Variants in FGF14 observed in about 807,000 individuals in gnomAD.
The protein encoded by FGF14 is fibroblast growth factor homologous factor 4.
In FGF14, 5 loss-of-function variants were observed where a neutral mutation model predicts 25.5. The observed-to-expected ratio is 0.20, with a 90% CI of 0.10 to 0.41. The LOEUF (loss-of-function observed/expected upper bound fraction) is 0.41, where lower values mean the gene tolerates loss of function less well. Among genes scored for constraint, FGF14 ranks in the 10% least tolerant of loss-of-function variants. FGF14 has a pLI of 1.00. For missense variants in FGF14, 222 were observed against 320.1 expected (o/e 0.69, Z 2.34); for synonymous variants, 138 against 118.3 (o/e 1.17, Z -1.08).
chr13:102,333,450 T>C (rs1248416802), intron 1 of FGF14, among the ~76,000 whole-genome samples: 1 of 152,226 alleles, frequency 6.6e-6, no homozygotes, highest in East Asian at 1.9e-4. Context: ...TTAAAGCTTA[T>C]GTCATTGGTT....
intron 1 of FGF14, among the ~76,000 whole-genome samples, chr13:102,033,959 C>A (rs1385490203): frequency 6.6e-6 from 1 of 152,014 alleles, no homozygotes; most frequent in Non-Finnish European, 1.5e-5. Flanking sequence ...TTACAAAATG[C>A]TGCATCTCAG....
intron 1 of FGF14, among the ~76,000 whole-genome samples, chr13:101,893,542 T>C (rs1305172610): frequency 6.6e-6 from 1 of 151,538 alleles, no homozygotes; most frequent in Non-Finnish European, 1.5e-5. Flanking sequence ...TTATCCTGGA[T>C]TATTTGGGTG....
intron 1 of FGF14, among the ~76,000 whole-genome samples, chr13:102,050,686 A>G (rs1179118230): frequency 1.3e-5 from 2 of 152,174 alleles, no homozygotes; most frequent in Admixed American, 6.5e-5. Flanking sequence ...ACACACACAA[A>G]AAGAAAAAGC....
intron 1 of FGF14, among the ~76,000 whole-genome samples, chr13:101,901,895 GT>G (rs1231634717): frequency 6.6e-6 from 1 of 152,040 alleles, no homozygotes; most frequent in East Asian, 1.9e-4. Flanking sequence ...ACTTTAAAGG[GT>G]TTTTTAAGCT....
intron 3 of FGF14, among the ~76,000 whole-genome samples, chr13:101,765,539 T>A (rs1335167642): frequency 3.9e-5 from 6 of 152,108 alleles, no homozygotes; most frequent in African/African-American, 1.4e-4. Flanking sequence ...CTTAGGGAAA[T>A]CTCAGAATTG....
chr13:102,366,502 T>A (rs1165809464), intron 1 of FGF14: 1 of 151,764 alleles, frequency 6.6e-6, no homozygotes, highest in African/African-American at 2.4e-5. Flanking sequence ...TGCACGTGGA[T>A]GTGGTGCTCA....
At chr13:102,270,900 G>T (rs1316859338) in intron 1 of FGF14, among the ~76,000 whole-genome samples, 2 of 152,140 alleles carry the variant, frequency 1.3e-5, no homozygotes, top group Non-Finnish European at 2.9e-5. Flanking sequence ...AGATAAATTT[G>T]ATTTAATGCA....
At chr13:101,806,081 AT>A (rs2041181437) in intron 3 of FGF14, among the ~76,000 whole-genome samples, 1 of 152,004 alleles carries the variant, frequency 6.6e-6, no homozygotes. Flanking sequence ...TACATATAAA[AT>A]TCATGTGTCA....
At chr13:102,118,726 G>C (rs549551437) in intron 1 of FGF14, among the ~76,000 whole-genome samples, 7 of 151,854 alleles carry the variant, frequency 4.6e-5, no homozygotes, top group Non-Finnish European at 8.8e-5. Flanking sequence ...AATATCATGT[G>C]CATATTAAAT....
chr13:101,853,560 C>T (rs1034104771), intron 3 of FGF14, among the ~76,000 whole-genome samples: 4 of 151,930 alleles, frequency 2.6e-5, no homozygotes, highest in African/African-American at 9.7e-5. Flanking sequence ...TCCTATGATC[C>T]TCCTCAGCCT....
intron 1 of FGF14, among the ~76,000 whole-genome samples, chr13:102,369,134 C>T (rs2057801521): frequency 6.6e-6 from 1 of 152,186 alleles, no homozygotes; most frequent in Non-Finnish European, 1.5e-5. Flanking sequence ...GCCCAAGTCA[C>T]AGCCTAACAC....
chr13:102,145,330 C>A (rs2046811264), intron 1 of FGF14, among the ~76,000 whole-genome samples: 1 of 152,086 alleles, frequency 6.6e-6, no homozygotes, highest in East Asian at 1.9e-4. Flanking sequence ...GTGTTTTGGG[C>A]ATTGTTGGGT....
intron 1 of FGF14, among the ~76,000 whole-genome samples, chr13:102,068,481 C>A (rs1234276291): frequency 1.3e-5 from 2 of 152,164 alleles, no homozygotes; most frequent in African/African-American, 2.4e-5. Flanking sequence ...GAGGGAGAGG[C>A]GCGAGCGGGA....
chr13:101,835,440 T>C (rs1489738786), intron 3 of FGF14, among the ~76,000 whole-genome samples: 2 of 152,118 alleles, frequency 1.3e-5, no homozygotes, highest in Non-Finnish European at 2.9e-5. Context: ...AATATGTTTA[T>C]ATGCCGTTTG....
At chr13:102,150,504 C>T (rs1372601432) in intron 1 of FGF14, among the ~76,000 whole-genome samples, 2 of 152,166 alleles carry the variant, frequency 1.3e-5, no homozygotes, top group Non-Finnish European at 2.9e-5. Context: ...CAAGTCACAC[C>T]TCTCACTCCA....
chr13:102,295,441 C>T (rs982288592), intron 1 of FGF14, among the ~76,000 whole-genome samples: 2 of 152,104 alleles, frequency 1.3e-5, no homozygotes, highest in Admixed American at 1.3e-4. Flanking sequence ...TTTTTCTTGT[C>T]CTTTGACTTG....
At chr13:101,854,045 A>G (rs2043996595) in intron 3 of FGF14, among the ~76,000 whole-genome samples, 1 of 152,098 alleles carries the variant, frequency 6.6e-6, no homozygotes, top group Non-Finnish European at 1.5e-5. Context: ...TAAACTATCT[A>G]TTCTACATTG....
intron 1 of FGF14, among the ~76,000 whole-genome samples, chr13:102,173,401 C>G (rs1374874820): frequency 6.6e-6 from 1 of 152,130 alleles, no homozygotes; most frequent in Non-Finnish European, 1.5e-5. Context: ...GGTGCAGCCA[C>G]TGTCGAAAAC....
At chr13:102,110,591 C>T (rs2045174398) in intron 1 of FGF14, among the ~76,000 whole-genome samples, 1 of 152,170 alleles carries the variant, frequency 6.6e-6, no homozygotes, top group South Asian at 2.1e-4. Context: ...ACATGTTTCA[C>T]AGAGCCACAG....
Sources: gnomAD v4.1 joint callset for allele counts (sites outside exome capture counted in the v4.1 genomes callset) on GRCh38, gnomAD v4.1.1 for gene constraint, MANE v1.5 for transcripts, NCBI Gene and HGNC (gene_info 2026-07-23, HGNC 2026-07-21) for gene names.